KHDRBS2: variants seen among roughly 807,000 people sequenced by gnomAD.
KHDRBS2 encodes the protein KH RNA binding domain containing, signal transduction associated 2.
A neutral mutation model predicts 44.3 loss-of-function variants in KHDRBS2; 26 were observed. That is an observed-to-expected ratio of 0.59 (90% CI 0.43 to 0.81). KHDRBS2 has a LOEUF of 0.81. Among genes scored for constraint, KHDRBS2 ranks in the 40% least tolerant of loss-of-function variants. The pLI is 0.00. For synonymous variants in KHDRBS2, 194 were observed against 151.1 expected (o/e 1.28, Z -2.08); for missense variants, 476 against 433.1 (o/e 1.10, Z -0.88).
At chr6:62,025,377 G>A (rs1292382037) in intron 3 of KHDRBS2, among the ~76,000 whole-genome samples, 2 of 151,272 alleles carry the variant, frequency 1.3e-5, no homozygotes, top group African/African-American at 2.4e-5. Flanking sequence ...AAACTTTAAA[G>A]ATATTGGTGT....
At chr6:61,554,725 T>C in the KHDRBS2 span, among the ~76,000 whole-genome samples, 5 of 152,166 alleles carry the variant, frequency 3.3e-5, no homozygotes, top group Admixed American at 3.3e-4. Flanking sequence ...TCCGATAGCA[T>C]TTACTTGCCT....
chr6:61,883,956 C>A (rs774896180), intron 6 of KHDRBS2, among the ~76,000 whole-genome samples: 1 of 152,022 alleles, frequency 6.6e-6, no homozygotes, highest in Non-Finnish European at 1.5e-5. Flanking sequence ...GGCTATTACA[C>A]AAAAAGCCAC....
At chr6:62,106,652 T>C (rs1803420556) in intron 2 of KHDRBS2, among the ~76,000 whole-genome samples, 1 of 151,894 alleles carries the variant, frequency 6.6e-6, no homozygotes, top group Non-Finnish European at 1.5e-5. Flanking sequence ...AGAGACATTT[T>C]AGACCAATAT....
the KHDRBS2 span, among the ~76,000 whole-genome samples, chr6:61,551,441 A>G: frequency 6.6e-6 from 1 of 152,090 alleles, no homozygotes; most frequent in Non-Finnish European, 1.5e-5. Context: ...ATCTTTTTCC[A>G]TTCCTATTTC....
chr6:62,221,775 A>G (rs1357395653), intron 1 of KHDRBS2, among the ~76,000 whole-genome samples: 4 of 152,134 alleles, frequency 2.6e-5, no homozygotes, highest in African/African-American at 9.7e-5. Flanking sequence ...TGAGAAAACT[A>G]TTAAAAACTT....
At chr6:61,636,532 T>A in the KHDRBS2 span, among the ~76,000 whole-genome samples, 3 of 152,102 alleles carry the variant, frequency 2.0e-5, no homozygotes, top group Non-Finnish European at 4.4e-5. Context: ...TGTGACTCAA[T>A]ACTGCATGTG....
the KHDRBS2 span, among the ~76,000 whole-genome samples, chr6:61,595,117 T>G: frequency 6.6e-6 from 1 of 152,176 alleles, no homozygotes; most frequent in South Asian, 2.1e-4. Context: ...TTTAATACTA[T>G]ATAAAATTCT....
intron 6 of KHDRBS2, among the ~76,000 whole-genome samples, chr6:61,831,144 G>T (rs1054351169): frequency 7.2e-5 from 11 of 152,092 alleles, no homozygotes; most frequent in Non-Finnish European, 1.3e-4. Context: ...TTTGTGATTA[G>T]CATTGAGGCT....
intron 6 of KHDRBS2, among the ~76,000 whole-genome samples, chr6:61,815,220 A>T (rs1477135090): frequency 1.3e-5 from 2 of 152,054 alleles, no homozygotes; most frequent in Non-Finnish European, 2.9e-5. Flanking sequence ...CATATACAGC[A>T]TGTATATGCT....
chr6:61,713,850 A>C (rs1770932731), intron 7 of KHDRBS2, among the ~76,000 whole-genome samples: 1 of 151,736 alleles, frequency 6.6e-6, no homozygotes, highest in African/African-American at 2.4e-5. Flanking sequence ...TACACAGAAG[A>C]ATGAAACTAG....
At chr6:61,671,675 A>C in the KHDRBS2 span, among the ~76,000 whole-genome samples, 1 of 151,674 alleles carries the variant, frequency 6.6e-6, no homozygotes, top group Non-Finnish European at 1.5e-5. Context: ...TGGAAACTAG[A>C]ATTTAACTAG....
intron 3 of KHDRBS2, among the ~76,000 whole-genome samples, chr6:62,009,321 G>A (rs1347384813): frequency 6.6e-6 from 1 of 152,178 alleles, no homozygotes; most frequent in African/African-American, 2.4e-5. Flanking sequence ...TCAGTTGGAA[G>A]AAATTTCTAA....
intron 1 of KHDRBS2, among the ~76,000 whole-genome samples, chr6:62,284,660 T>A (rs1318324925): frequency 6.6e-6 from 1 of 152,172 alleles, no homozygotes; most frequent in Non-Finnish European, 1.5e-5. Context: ...TTATTTCACA[T>A]GTTCCATGTT....
chr6:62,045,841 T>TGTTTA (rs1485058565), intron 3 of KHDRBS2, among the ~76,000 whole-genome samples: 4 of 151,556 alleles, frequency 2.6e-5, no homozygotes, highest in Non-Finnish European at 5.9e-5. Flanking sequence ...TTTAATCAAG[T>TGTTTA]GTTTACTAAG....
chr6:62,092,975 T>C (rs1005490338), intron 2 of KHDRBS2, among the ~76,000 whole-genome samples: 2 of 152,064 alleles, frequency 1.3e-5, no homozygotes, highest in Admixed American at 6.6e-5. Context: ...ATGAGTTTTA[T>C]ATTATGGTTT....
At chr6:62,230,354 C>G (rs1832703482) in intron 1 of KHDRBS2, among the ~76,000 whole-genome samples, 1 of 152,096 alleles carries the variant, frequency 6.6e-6, no homozygotes, top group Admixed American at 6.5e-5. Flanking sequence ...GACTCATAGG[C>G]TCTCTAAATT....
intron 2 of KHDRBS2, among the ~76,000 whole-genome samples, chr6:62,079,715 A>C (rs537322078): frequency 2.6e-5 from 4 of 152,092 alleles, no homozygotes; most frequent in African/African-American, 4.8e-5. Flanking sequence ...ATCTAATATA[A>C]TTAGAGAAAT....
At chr6:61,877,375 GA>G (rs1443615872) in intron 6 of KHDRBS2, among the ~76,000 whole-genome samples, 9 of 151,692 alleles carry the variant, frequency 5.9e-5, no homozygotes, top group Non-Finnish European at 1.2e-4. Context: ...AGCAGAAATA[GA>G]AAATTCAGTG....
At chr6:61,824,122 A>T (rs1000329125) in intron 6 of KHDRBS2, among the ~76,000 whole-genome samples, 4 of 152,142 alleles carry the variant, frequency 2.6e-5, no homozygotes, top group Non-Finnish European at 5.9e-5. Flanking sequence ...CAATAAACAA[A>T]GCTCTGAATC....
Sources: allele counts gnomAD v4.1 joint callset (sites outside exome capture counted in the v4.1 genomes callset), GRCh38; gene constraint gnomAD v4.1.1; transcripts MANE v1.5; gene names NCBI Gene and HGNC (gene_info 2026-07-23, HGNC 2026-07-21).